SLC25A13: variants seen among roughly 807,000 people sequenced by gnomAD.
SLC25A13 encodes the protein electrogenic aspartate/glutamate antiporter SLC25A13, mitochondrial.
Under a neutral mutation model 85.5 loss-of-function variants are expected in SLC25A13, and 70 were observed. The ratio of observed to expected loss-of-function variants is 0.82; its 90% CI spans 0.68 to 1.00. The LOEUF is 1.00. Ranked by LOEUF, SLC25A13 falls within the 50% of genes least tolerant of loss-of-function variation. The pLI, the probability that SLC25A13 is intolerant of heterozygous loss-of-function variation, is 0.00. For synonymous variants in SLC25A13, 259 were observed against 288.7 expected (o/e 0.90, Z 1.04); for missense variants, 765 against 819.8 (o/e 0.93, Z 0.82).
intron 11 of SLC25A13, among the ~76,000 whole-genome samples, chr7:96,174,854 AC>A (rs1794154081): frequency 6.6e-6 from 1 of 152,218 alleles, no homozygotes; most frequent in South Asian, 2.1e-4. Context: ...AGAAGGGAAA[AC>A]CCCGTATTTA....
At chr7:96,238,745 C>T (rs1440550172) in intron 3 of SLC25A13, among the ~76,000 whole-genome samples, 4 of 152,138 alleles carry the variant, frequency 2.6e-5, no homozygotes, top group South Asian at 2.1e-4. Context: ...CCCACAGCCA[C>T]GCAGCCACAC....
At chr7:96,220,908 A>G (rs890482160) in intron 4 of SLC25A13, among the ~76,000 whole-genome samples, 3 of 152,186 alleles carry the variant, frequency 2.0e-5, no homozygotes, top group Non-Finnish European at 4.4e-5. Flanking sequence ...TTAACTAAGG[A>G]GTGGCTTCAC....
chr7:96,170,286 C>A (rs1051764292), intron 12 of SLC25A13, among the ~76,000 whole-genome samples, 161 bp from the exon 13 acceptor site: 1 of 151,950 alleles, frequency 6.6e-6, no homozygotes, highest in Admixed American at 6.6e-5. Context: ...TTGAGAAGTA[C>A]TCTTAATAGT....
intron 8 of SLC25A13, 71 bp downstream of exon 8, chr7:96,189,510 G>T: frequency 4.6e-6 from 7 of 1,508,840 alleles, no homozygotes; most frequent in South Asian, 1.1e-5. Context: ...TTTTTCTCCT[G>T]ATTGCTGCCC....
chr7:96,166,497 C>T (rs1213275152), intron 13 of SLC25A13, among the ~76,000 whole-genome samples: 1 of 151,928 alleles, frequency 6.6e-6, no homozygotes, highest in Non-Finnish European at 1.5e-5. Flanking sequence ...AGTCATTGCA[C>T]CACTTGTATT....
chr7:96,245,234 C>A (rs553071660), intron 3 of SLC25A13, among the ~76,000 whole-genome samples: 108 of 152,314 alleles, frequency 7.1e-4, no homozygotes, highest in South Asian at 2.1e-3. Context: ...TCAAGTAACA[C>A]TAGAAAATGT....
At chr7:96,203,559 T>C (rs1321569492) in intron 5 of SLC25A13, among the ~76,000 whole-genome samples, 1 of 152,188 alleles carries the variant, frequency 6.6e-6, no homozygotes, top group African/African-American at 2.4e-5. Flanking sequence ...CAAATATTAA[T>C]ACAAGAACTT....
intron 14 of SLC25A13, among the ~76,000 whole-genome samples, chr7:96,145,354 C>A (rs1376363366): frequency 6.6e-6 from 1 of 152,116 alleles, no homozygotes; most frequent in African/African-American, 2.4e-5. Flanking sequence ...CTGAGACAGC[C>A]ACAATTATTA....
intron 4 of SLC25A13, among the ~76,000 whole-genome samples, chr7:96,232,855 G>A (rs927071180): frequency 2.0e-5 from 3 of 152,178 alleles, no homozygotes; most frequent in Non-Finnish European, 4.4e-5. Flanking sequence ...TTGTCCTTCA[G>A]CTAGTAAGAA....
chr7:96,296,185 CACA>C (rs1037294250), intron 2 of SLC25A13, among the ~76,000 whole-genome samples: 5 of 151,874 alleles, frequency 3.3e-5, no homozygotes, highest in Non-Finnish European at 7.4e-5. Flanking sequence ...TGATGATGAC[CACA>C]ACAATAGGCT....
intron 5 of SLC25A13, among the ~76,000 whole-genome samples, chr7:96,198,175 C>T (rs1029582115): frequency 6.6e-6 from 1 of 152,226 alleles, no homozygotes; most frequent in African/African-American, 2.4e-5. Context: ...CACTGCCACC[C>T]GGGAGAGCTC....
chr7:96,319,540 C>CAAAAAAAAAAAA (rs398005497), intron 1 of SLC25A13, among the ~76,000 whole-genome samples: 1 of 77,246 alleles, frequency 1.3e-5, no homozygotes, highest in Non-Finnish European at 2.5e-5. Context: ...GACTCCATCT[C>CAAAAAAAAAAAA]AAAAAAAAAA....
At chr7:96,161,517 T>C (rs1036324988) in intron 13 of SLC25A13, among the ~76,000 whole-genome samples, 4 of 152,188 alleles carry the variant, frequency 2.6e-5, no homozygotes, top group Admixed American at 2.6e-4. Flanking sequence ...TTCTTCCATA[T>C]GTCAGACACA....
intron 6 of SLC25A13, among the ~76,000 whole-genome samples, chr7:96,191,724 A>T (rs1794863205): frequency 6.6e-6 from 1 of 152,216 alleles, no homozygotes; most frequent in Non-Finnish European, 1.5e-5. Context: ...TTGTCAAGTT[A>T]CTTATAACCA....
chr7:96,131,592 C>G, intron 15 of SLC25A13, 151 bp downstream of exon 15: 1 of 959,974 alleles, frequency 1.0e-6, no homozygotes, highest in Non-Finnish European at 1.6e-6. Context: ...AATTTTTTCC[C>G]TTTTTTTTCA....
chr7:96,277,050 A>T (rs1002412284), intron 3 of SLC25A13, 146 bp downstream of exon 3: 1 of 744,188 alleles, frequency 1.3e-6, no homozygotes, highest in Non-Finnish European at 2.1e-6. Context: ...ATTATTACTC[A>T]AATAATGTAA....
chr7:96,264,331 T>TATAG (rs1797966128), intron 3 of SLC25A13, among the ~76,000 whole-genome samples: 1 of 152,200 alleles, frequency 6.6e-6, no homozygotes, highest in Non-Finnish European at 1.5e-5. Flanking sequence ...CACTTCTAGA[T>TATAG]AACTATGTAG....
At chr7:96,262,522 T>TAA (rs79897877) in intron 3 of SLC25A13, among the ~76,000 whole-genome samples, 43 of 150,844 alleles carry the variant, frequency 2.9e-4, no homozygotes, top group Middle Eastern at 3.4e-3. Context: ...CTCCTCAGTT[T>TAA]AAAAAAAAAG....
intron 3 of SLC25A13, among the ~76,000 whole-genome samples, chr7:96,244,579 G>A (rs1379249099): frequency 6.6e-6 from 1 of 152,130 alleles, no homozygotes; most frequent in African/African-American, 2.4e-5. Flanking sequence ...TTCCATAAAA[G>A]GTGCTTTTCT....
Sources: gnomAD v4.1 joint callset for allele counts (sites outside exome capture counted in the v4.1 genomes callset) on GRCh38, gnomAD v4.1.1 for gene constraint, MANE v1.5 for transcripts, NCBI Gene and HGNC (gene_info 2026-07-23, HGNC 2026-07-21) for gene names.